The following UBE2E2 variants were observed in gnomAD, a reference collection of about 807,000 sequenced individuals.
UBE2E2 encodes ubiquitin conjugating enzyme E2 E2.
Under a neutral mutation model 24.7 loss-of-function variants are expected in UBE2E2, and 6 were observed. That is an observed-to-expected ratio of 0.24 (90% CI 0.13 to 0.48). The LOEUF (loss-of-function observed/expected upper bound fraction) is 0.48, where lower values mean the gene tolerates loss of function less well. UBE2E2 is among the 20% of genes least tolerant of loss of function. The pLI is 0.99. For synonymous variants in UBE2E2, 104 were observed against 83.6 expected (o/e 1.24, Z -1.33); for missense variants, 169 against 245.0 (o/e 0.69, Z 2.07).
At chr3:23,284,912 A>T (rs1268717187) in intron 3 of UBE2E2, among the ~76,000 whole-genome samples, 1 of 133,144 alleles carries the variant, frequency 7.5e-6, no homozygotes, top group Admixed American at 9.6e-5. Flanking sequence ...CAAATACTAG[A>T]TCTTATTCAT....
At chr3:23,257,041 A>G (rs1412770331) in intron 3 of UBE2E2, among the ~76,000 whole-genome samples, 1 of 152,194 alleles carries the variant, frequency 6.6e-6, no homozygotes, top group Non-Finnish European at 1.5e-5. Flanking sequence ...CCCCTTTGCT[A>G]CTTCAGGTCT....
At position 23,208,717 on chromosome 3, in the gene UBE2E2, A is replaced by G. The variant is rs1696224295; in HGVS notation, c.18A>G (p.Gln6=). The stretch of plus-strand genomic sequence containing the variant: ...GATCTAAAATGTCCACTGAGGCACA[A>G]AGAGTTGATGACAGTCCAAGCACTA... MSTEA[Q]RVDDSPSTSG... The change falls in exon 2 of 6, where the codon CAA becomes CAG. Residue 6 remains glutamine, a synonymous_variant. Coordinates refer to ENST00000396703, the MANE Select transcript of UBE2E2 (RefSeq NM_152653.4). 6.2e-7 allele frequency: 1 copy of G among 1,609,296 alleles called. No individual in the cohort carries two copies. The highest frequency in any genetic ancestry group is 1.7e-4 in the Middle Eastern group (1 of 6,042).
chr3:23,297,966 G>A (rs898320174), intron 3 of UBE2E2, among the ~76,000 whole-genome samples: 7 of 151,540 alleles, frequency 4.6e-5, no homozygotes, highest in African/African-American at 1.7e-4. Context: ...ATTTCCTTGA[G>A]CAGTGGTTTG....
chr3:23,300,353 T>C (rs1403024606), intron 3 of UBE2E2, among the ~76,000 whole-genome samples: 4 of 152,222 alleles, frequency 2.6e-5, no homozygotes, highest in Non-Finnish European at 5.9e-5. Context: ...TTTTGCTCGA[T>C]AGTTGATGCA....
At chr3:23,458,389 C>T (rs900610989) in intron 3 of UBE2E2, among the ~76,000 whole-genome samples, 6 of 45,914 alleles carry the variant, frequency 1.3e-4, no homozygotes, top group African/African-American at 1.1e-3. Flanking sequence ...TCAGAGAGAT[C>T]GCTGGTGGTG....
At chr3:23,240,159 A>G (rs1315623235) in intron 3 of UBE2E2, among the ~76,000 whole-genome samples, 1 of 152,204 alleles carries the variant, frequency 6.6e-6, no homozygotes, top group Non-Finnish European at 1.5e-5. Context: ...AACATTCACC[A>G]TTCACATTTT....
chr3:23,262,650 T>C (rs1697934972), intron 3 of UBE2E2, among the ~76,000 whole-genome samples: 1 of 152,054 alleles, frequency 6.6e-6, no homozygotes, highest in Non-Finnish European at 1.5e-5. Flanking sequence ...TGCTTATATA[T>C]TTTGGGTATT....
At chr3:23,228,033 G>GT (rs1488270050) in intron 3 of UBE2E2, among the ~76,000 whole-genome samples, 1 of 152,148 alleles carries the variant, frequency 6.6e-6, no homozygotes, top group Non-Finnish European at 1.5e-5. Flanking sequence ...ATGTATAATA[G>GT]TTTGCTGTCA....
chr3:23,398,017 C>T (rs982235562), intron 3 of UBE2E2, among the ~76,000 whole-genome samples: 1 of 151,968 alleles, frequency 6.6e-6, no homozygotes, highest in Non-Finnish European at 1.5e-5. Flanking sequence ...CAGTTGAACT[C>T]AAAAGAAACT....
intron 3 of UBE2E2, among the ~76,000 whole-genome samples, chr3:23,481,450 G>A (rs191716718): frequency 6.6e-6 from 1 of 152,292 alleles, no homozygotes; most frequent in Admixed American, 6.5e-5. Context: ...CATATACTAT[G>A]TATATCGTAG....
rs531043216 is a variant in UBE2E2, at chr3:23,252,808, T to G, written c.227+35496T>G. 7.0e-4 allele frequency among the ~76,000 whole-genome samples: 106 copies of G among 152,320 alleles called. 1 individual carries two copies. Among genetic ancestry groups the G allele is most frequent in the African/African-American group, 2.5e-3 (104 of 41,580 alleles). On this transcript the variant is annotated intron_variant, in intron 3 of 5. Transcript: ENST00000396703. ...CACCACACCTGGCCACCAGATTTTC[T>G]TAAACCATATTATTTATGTCCCCGC...
chr3:23,323,717 T>C (rs1358084435), intron 3 of UBE2E2: 1 of 240,748 alleles, frequency 4.2e-6, no homozygotes, highest in African/African-American at 2.4e-5. Flanking sequence ...GATTCCTTTT[T>C]TTCCCTTTTA....
intron 1 of UBE2E2, among the ~76,000 whole-genome samples, chr3:23,207,198 T>C (rs1696173316): frequency 6.6e-6 from 1 of 152,212 alleles, no homozygotes; most frequent in South Asian, 2.1e-4. Context: ...TCATAAGGGA[T>C]GTATTCATAG....
intron 3 of UBE2E2, among the ~76,000 whole-genome samples, chr3:23,274,283 T>G (rs1256712465): frequency 6.6e-6 from 1 of 152,074 alleles, no homozygotes; most frequent in African/African-American, 2.4e-5. Context: ...AAAATGATTT[T>G]TTTCCCTCTT....
At chr3:23,374,747 C>G (rs1001676779) in intron 3 of UBE2E2, among the ~76,000 whole-genome samples, 4 of 152,144 alleles carry the variant, frequency 2.6e-5, no homozygotes, top group Non-Finnish European at 5.9e-5. Context: ...TGCCTCTTAC[C>G]TTTAGGGAGT....
chr3:23,426,382 A>G (rs534368250), intron 3 of UBE2E2, among the ~76,000 whole-genome samples: 1 of 151,272 alleles, frequency 6.6e-6, no homozygotes, highest in Non-Finnish European at 1.5e-5. Flanking sequence ...ACTAAACCAC[A>G]GATTCAGGAA....
chr3:23,230,905 G>A (rs1478781139), intron 3 of UBE2E2, among the ~76,000 whole-genome samples: 1 of 152,040 alleles, frequency 6.6e-6, no homozygotes, highest in Non-Finnish European at 1.5e-5. Flanking sequence ...CTTATTCTGT[G>A]TGATTTTGGG....
At chr3:23,258,163 G>A in intron 3 of UBE2E2, among the ~76,000 whole-genome samples, 1 of 152,160 alleles carries the variant, frequency 6.6e-6, no homozygotes, top group East Asian at 1.9e-4. Context: ...CCATGTTATT[G>A]AGCACACCGA....
rs577266693 is a variant in UBE2E2, at chr3:23,435,868, G to T, written c.228-63740G>T. ...GGTCCCCAACCTTTTTGGCACCAAG[G>T]TCTGGTTTTGTGGAAGACAGTTATT... On this transcript the variant is annotated intron_variant, in intron 3 of 5. Transcript: ENST00000396703. Among the ~76,000 whole-genome samples the T allele has an allele frequency of 7.2e-5, 11 of 152,312 alleles. No individual in the cohort carries two copies. In the East Asian group the frequency reaches 2.1e-3, roughly 29 times the overall value.
Sources: allele counts gnomAD v4.1 joint callset (sites outside exome capture counted in the v4.1 genomes callset), GRCh38; gene constraint gnomAD v4.1.1; transcripts MANE v1.5; gene names NCBI Gene and HGNC (gene_info 2026-07-23, HGNC 2026-07-21).